The following IL1RAPL2 variants were observed in gnomAD, a reference collection of about 807,000 sequenced individuals.
IL1RAPL2 encodes the protein interleukin 1 receptor accessory protein like 2.
In IL1RAPL2, 3 loss-of-function variants were observed where a neutral mutation model predicts 44.1. That is an observed-to-expected ratio of 0.07 (90% confidence interval 0.03 to 0.18). The LOEUF (loss-of-function observed/expected upper bound fraction) is 0.18. IL1RAPL2 is among the 10% of genes least tolerant of loss of function. The probability of loss-of-function intolerance (pLI) is 1.00; values close to 1 mark genes in which losing one functional copy is unlikely to be tolerated. For synonymous variants in IL1RAPL2, 181 were observed against 178.8 expected (o/e 1.01, Z -0.10); for missense variants, 391 against 496.4 (o/e 0.79, Z 2.02).
intron 5 of IL1RAPL2, among the ~76,000 whole-genome samples, chrX:105,370,758 G>C (rs1027223496): frequency 5.4e-5 from 6 of 111,805 alleles, no homozygotes; most frequent in African/African-American, 2.0e-4. Context: ...TGGGATTGCT[G>C]GGTCAAATGG....
chrX:104,979,150 A>G (rs746862260), intron 2 of IL1RAPL2, among the ~76,000 whole-genome samples: 2 of 111,689 alleles, frequency 1.8e-5, no homozygotes, highest in Admixed American at 1.9e-4. Context: ...TCAAAGCAAC[A>G]GTTTTTTCAT....
chrX:105,676,714 C>T (rs758745274), intron 6 of IL1RAPL2, among the ~76,000 whole-genome samples: 8 of 112,024 alleles, frequency 7.1e-5, no homozygotes, highest in African/African-American at 2.6e-4. Flanking sequence ...ATTGCATGGG[C>T]TGCTTCCCAA....
intron 2 of IL1RAPL2, among the ~76,000 whole-genome samples, chrX:104,979,523 A>G (rs1040553687): frequency 4.5e-5 from 5 of 112,061 alleles, no homozygotes; most frequent in Non-Finnish European, 9.4e-5. Flanking sequence ...GCAATACATG[A>G]CAGATAAAAG....
chrX:105,162,242 C>T lies in IL1RAPL2; in HGVS notation c.83-33233C>T, dbSNP rs141591593. ...TGTAATACCGTGAACTCTCTGTCTA[C>T]CATCCATGACTGCTGTGAGGAAGAA... On this transcript the variant is annotated intron_variant, in intron 2 of 10. Transcript: ENST00000372582. Among the ~76,000 whole-genome samples, 95 of 112,054 alleles carry T rather than the reference C, an allele frequency of 8.5e-4. 1 individual carries two copies. In the East Asian group the frequency reaches 0.024, roughly 28 times the overall value.
intron 3 of IL1RAPL2, among the ~76,000 whole-genome samples, chrX:105,218,774 C>T (rs2033894905): frequency 9.3e-6 from 1 of 107,309 alleles, no homozygotes; most frequent in Non-Finnish European, 1.9e-5. Flanking sequence ...CCCTACTTTC[C>T]TCCCCCTCCT....
chrX:105,639,925 T>C (rs375731296), intron 6 of IL1RAPL2, among the ~76,000 whole-genome samples: 4 of 111,399 alleles, frequency 3.6e-5, no homozygotes, highest in South Asian at 7.5e-4. Context: ...CTCTGTGAGG[T>C]CATTGGTTTC....
intron 3 of IL1RAPL2, chrX:105,219,832 T>C: frequency 9.1e-7 from 1 of 1,094,597 alleles, no homozygotes; most frequent in Non-Finnish European, 1.2e-6. Context: ...AGGACGGAGC[T>C]ACCAGGTGGG....
Position 105,058,215 on chromosome X carries a change from C to T in IL1RAPL2, c.83-137260C>T, listed in dbSNP as rs566126244. Among the ~76,000 whole-genome samples, 5 of 110,421 alleles carry T rather than the reference C, an allele frequency of 4.5e-5. No individual in the cohort carries two copies. In the South Asian group the frequency reaches 1.2e-3, roughly 26 times the overall value. ...ATCTGCCTGCCTCAGCCTTCTAAAG[C>T]GCTGGGATTACAGGCGTGACTCACC... On this transcript the variant is annotated intron_variant, in intron 2 of 10. Coordinates refer to ENST00000372582, the MANE Select transcript of IL1RAPL2 (RefSeq NM_017416.2).
chrX:105,195,633 G>C lies in IL1RAPL2; in HGVS notation c.241G>C (p.Gly81Arg). The stretch of plus-strand genomic sequence containing the variant: ...CAGGCTTATGTGGTACAAAAACAAA[G>C]GTGATTTGGAAGAGCCCATCATCTT... ...GLRLMWYKNK[G>R]DLEEPIIFSE... The change falls in exon 3 of 11, where the codon GGT becomes CGT. Residue 81 changes from glycine (G) to arginine (R), a missense_variant. By Grantham distance (125) the Gly-to-Arg change is moderately radical. Transcript: ENST00000372582. The C allele has an allele frequency of 8.3e-7, 1 of 1,211,813 alleles. No homozygotes were observed.
In IL1RAPL2 at chrX:105,688,437, CAGAG is replaced by C. The variant is rs750733364; in HGVS notation, c.773-28927_773-28924del. On this transcript the variant is annotated intron_variant, in intron 6 of 10. Coordinates refer to ENST00000372582, the MANE Select transcript of IL1RAPL2 (RefSeq NM_017416.2). Reference sequence around the variant, plus strand: ...TTCCTATACACCAATAACAGACAAACAGAGAGCCAAATTATGTGTGAACTCCCAT... The same window carrying C: ...TTCCTATACACCAATAACAGACAAACAGCCAAATTATGTGTGAACTCCCAT... Among the ~76,000 whole-genome samples, 20 of 111,591 alleles carry C rather than the reference CAGAG, an allele frequency of 1.8e-4. No individual in the cohort carries two copies. The East Asian group carries it at 5.7e-3, about 32-fold the overall frequency.
chrX:105,347,714 G>A (rs1313991207), intron 5 of IL1RAPL2, among the ~76,000 whole-genome samples: 1 of 110,639 alleles, frequency 9.0e-6, no homozygotes, highest in African/African-American at 3.3e-5. Context: ...TTTTGAGCCG[G>A]ATAGTTCTTG....
chrX:104,603,288 C>T (rs940836503), intron 1 of IL1RAPL2, among the ~76,000 whole-genome samples: 51 of 111,387 alleles, frequency 4.6e-4, no homozygotes, highest in Non-Finnish European at 2.3e-4. Flanking sequence ...CTCAAAGACC[C>T]CATCTTAAGG....
chrX:105,550,925 C>T (rs977489326), intron 6 of IL1RAPL2, among the ~76,000 whole-genome samples: 8 of 111,308 alleles, frequency 7.2e-5, no homozygotes, highest in Non-Finnish European at 1.3e-4. Flanking sequence ...CATATGCATT[C>T]TAGAAAACCC....
intron 3 of IL1RAPL2, among the ~76,000 whole-genome samples, chrX:105,206,733 A>T (rs1340794454): frequency 8.9e-6 from 1 of 111,899 alleles, no homozygotes; most frequent in Admixed American, 9.5e-5. Context: ...TTTTCAGAGA[A>T]CTAGTCTTCT....
intron 2 of IL1RAPL2, among the ~76,000 whole-genome samples, chrX:104,681,483 G>A (rs919054333): frequency 8.9e-6 from 1 of 112,062 alleles, no homozygotes; most frequent in Non-Finnish European, 1.9e-5. Flanking sequence ...GCTCTAGGAC[G>A]AAAGTTTAAA....
In IL1RAPL2 at chrX:104,670,868, T is replaced by C. The variant is rs146219342; in HGVS notation, c.82+11873T>C. Among the ~76,000 whole-genome samples the C allele has an allele frequency of 2.7e-3, 301 of 111,713 alleles. 2 individuals are homozygous for C. Among genetic ancestry groups the C allele is most frequent in the African/African-American group, 9.2e-3 (282 of 30,756 alleles). On this transcript the variant is annotated intron_variant, in intron 2 of 10. Transcript: ENST00000372582. ...TTACTTGTTTGCTTGTTTTTAGTTA[T>C]AGATGTACAGCAATTTCAAGCATTT... is the stretch of plus-strand genomic sequence containing the variant.
chrX:104,944,226 C>T (rs1040638098), intron 2 of IL1RAPL2, among the ~76,000 whole-genome samples: 1 of 111,868 alleles, frequency 8.9e-6, no homozygotes, highest in Non-Finnish European at 1.9e-5. Flanking sequence ...TTTATACCTC[C>T]TCTAGTAGAA....
intron 6 of IL1RAPL2, among the ~76,000 whole-genome samples, chrX:105,640,761 T>C (rs868338367): frequency 1.2e-5 from 1 of 81,417 alleles, no homozygotes; most frequent in Admixed American, 1.4e-4. Context: ...TAGATATAGA[T>C]ATAGATATAG....
intron 2 of IL1RAPL2, among the ~76,000 whole-genome samples, chrX:105,021,259 C>T (rs758948796): frequency 3.6e-5 from 4 of 111,345 alleles, no homozygotes; most frequent in Non-Finnish European, 5.7e-5. Context: ...GATATTAGTT[C>T]TAGGGTGCTG....
Sources: gnomAD v4.1 joint callset for allele counts (sites outside exome capture counted in the v4.1 genomes callset) on GRCh38, gnomAD v4.1.1 for gene constraint, MANE v1.5 for transcripts, NCBI Gene and HGNC (gene_info 2026-07-23, HGNC 2026-07-21) for gene names.